Variants in UNC79 observed in about 807,000 individuals in gnomAD.
The protein encoded by UNC79 is unc-79 subunit of NALCN channel complex.
A neutral mutation model predicts 283.1 loss-of-function variants in UNC79; 37 were observed. The observed-to-expected ratio is 0.13, with a 90% confidence interval of 0.10 to 0.17. The LOEUF (loss-of-function observed/expected upper bound fraction) is 0.17. Among genes scored for constraint, UNC79 ranks in the 10% least tolerant of loss-of-function variants. The pLI is 1.00. For synonymous variants in UNC79, 1,107 were observed against 1,200.2 expected, an observed-to-expected ratio of 0.92 and a Z score of 1.61; for missense variants, 2,272 against 3,211.1, an observed-to-expected ratio of 0.71 and a Z score of 7.07.
intron 1 of UNC79, among the ~76,000 whole-genome samples, chr14:93,439,915 T>A (rs1480593606): frequency 1.3e-5 from 2 of 152,172 alleles, no homozygotes; most frequent in Non-Finnish European, 2.9e-5. Flanking sequence ...TTAGAAATTT[T>A]AAAAATTCCT....
intron 1 of UNC79, among the ~76,000 whole-genome samples, chr14:93,464,147 T>TAAAAC (rs1010648087): frequency 7.2e-5 from 11 of 152,152 alleles, no homozygotes; most frequent in African/African-American, 1.2e-4. Context: ...AGACTCCATC[T>TAAAAC]AAAACAAAAC....
intron 10 of UNC79, 28 bp from the exon 11 acceptor site, chr14:93,532,522 T>C (rs372439650): frequency 1.2e-6 from 2 of 1,603,702 alleles, no homozygotes; most frequent in Non-Finnish European, 1.7e-6. Context: ...CTTTCTTTGT[T>C]GATATTTTGT....
chr14:93,348,291 A>T, intron 1 of UNC79: 1 of 513,558 alleles, frequency 1.9e-6, no homozygotes, highest in Non-Finnish European at 3.5e-6. Flanking sequence ...CATTATATAG[A>T]TGTATAGTCA....
At chr14:93,552,005 A>G (rs1298028788) in intron 14 of UNC79, among the ~76,000 whole-genome samples, 1 of 152,230 alleles carries the variant, frequency 6.6e-6, no homozygotes, top group Admixed American at 6.5e-5. Flanking sequence ...TCCTTGGGCC[A>G]TCATTAGCTT....
intron 41 of UNC79, among the ~76,000 whole-genome samples, chr14:93,681,648 G>A (rs1268816172): frequency 6.6e-6 from 1 of 152,166 alleles, no homozygotes; most frequent in African/African-American, 2.4e-5. Context: ...TGAAACTTCT[G>A]AACTCTGCAC....
At chr14:93,381,325 G>A (rs1566903566) in intron 1 of UNC79, among the ~76,000 whole-genome samples, 1 of 152,168 alleles carries the variant, frequency 6.6e-6, no homozygotes, top group Non-Finnish European at 1.5e-5. Context: ...CCCCCCAGAA[G>A]GAGTGTGGGT....
intron 1 of UNC79, among the ~76,000 whole-genome samples, chr14:93,357,698 T>C (rs59905995): frequency 6.6e-5 from 8 of 120,336 alleles, no homozygotes; most frequent in African/African-American, 1.5e-4. Context: ...TATATATATA[T>C]ATATATATAT....
chr14:93,528,418 G>A (rs377479150), intron 8 of UNC79, 140 bp from the exon 9 acceptor site: 24 of 675,054 alleles, frequency 3.6e-5, no homozygotes, highest in Admixed American at 6.0e-5. Flanking sequence ...AACATTTATC[G>A]GTAAAAAGGG....
At chr14:93,392,194 A>G (rs966284411) in intron 1 of UNC79, among the ~76,000 whole-genome samples, 7 of 152,354 alleles carry the variant, frequency 4.6e-5, no homozygotes, top group African/African-American at 1.4e-4. Flanking sequence ...TGTCACCAAG[A>G]AGTGACAAAG....
chr14:93,455,740 G>A (rs1354469133), intron 1 of UNC79, among the ~76,000 whole-genome samples: 2 of 152,152 alleles, frequency 1.3e-5, no homozygotes, highest in African/African-American at 4.8e-5. Context: ...TAGCAACTCT[G>A]TGAGATAGAT....
In UNC79 at chr14:93,557,296, G is replaced by A. The variant is rs2062230371; in HGVS notation, c.1756-14598G>A. ...TGGGACATCTGGACTTTCTGCTGTTGTGGGAGTGTCTTTGCCGGTATCTTA... is the reference window on the plus strand; with the variant it reads ...TGGGACATCTGGACTTTCTGCTGTTATGGGAGTGTCTTTGCCGGTATCTTA... On this transcript the variant is annotated intron_variant, in intron 14 of 48. Coordinates refer to ENST00000555664, the Ensembl canonical transcript of UNC79. Among the ~76,000 whole-genome samples, 3 of 152,198 alleles carry A rather than the reference G, an allele frequency of 2.0e-5. No homozygotes were observed. In the South Asian group the frequency reaches 6.2e-4, roughly 32 times the overall value.
intron 40 of UNC79, among the ~76,000 whole-genome samples, chr14:93,668,547 TAC>T (rs1491567296): frequency 6.9e-6 from 1 of 145,214 alleles, no homozygotes; most frequent in Non-Finnish European, 1.5e-5. Context: ...TCCATCTCTA[TAC>T]AAAAAAAAAA....
intron 2 of UNC79, among the ~76,000 whole-genome samples, chr14:93,473,583 TA>T (rs1194479084): frequency 6.6e-6 from 1 of 152,246 alleles, no homozygotes; most frequent in African/African-American, 2.4e-5. Context: ...AAGACTTTCT[TA>T]ATAAACACAC....
intron 1 of UNC79, among the ~76,000 whole-genome samples, chr14:93,338,174 C>T (rs769102670): frequency 6.6e-5 from 10 of 152,048 alleles, no homozygotes; most frequent in African/African-American, 2.2e-4. Flanking sequence ...GAGGTGCTGC[C>T]GGCCACAGAG....
chr14:93,609,601 T>C (rs1413875806), intron 26 of UNC79, among the ~76,000 whole-genome samples: 5 of 152,224 alleles, frequency 3.3e-5, no homozygotes, highest in Admixed American at 6.5e-5. Flanking sequence ...AGGACAGATA[T>C]AGGAATTTCA....
intron 31 of UNC79, among the ~76,000 whole-genome samples, chr14:93,631,137 G>T (rs2068000085): frequency 6.6e-6 from 1 of 152,056 alleles, no homozygotes; most frequent in Admixed American, 6.6e-5. Flanking sequence ...GACTGGCCAA[G>T]TATCCTAATT....
chr14:93,616,566 C>T (rs1013921507), intron 27 of UNC79, among the ~76,000 whole-genome samples: 25 of 152,092 alleles, frequency 1.6e-4, no homozygotes, highest in African/African-American at 5.5e-4. Context: ...GACAGGGTTT[C>T]GCCGTGTTGC....
chr14:93,355,993 G>A (rs1039012485), intron 1 of UNC79, among the ~76,000 whole-genome samples: 6 of 150,348 alleles, frequency 4.0e-5, no homozygotes, highest in African/African-American at 1.5e-4. Flanking sequence ...CTTATTACAA[G>A]TGTAGTCTCT....
chr14:93,357,925 A>G (rs528751021), intron 1 of UNC79, among the ~76,000 whole-genome samples: 2 of 32,444 alleles, frequency 6.2e-5, no homozygotes, highest in South Asian at 6.5e-4. Flanking sequence ...CCATATATAT[A>G]GATATATATG....
Sources: allele counts gnomAD v4.1 joint callset (sites outside exome capture counted in the v4.1 genomes callset), GRCh38; gene constraint gnomAD v4.1.1; transcripts MANE v1.5; gene names NCBI Gene and HGNC (gene_info 2026-07-23, HGNC 2026-07-21).